HEATR1: variants seen among roughly 807,000 people sequenced by gnomAD.
The protein encoded by HEATR1 is HEAT repeat containing 1.
Under a neutral mutation model 248.2 loss-of-function variants are expected in HEATR1, and 77 were observed. The ratio of observed to expected loss-of-function variants is 0.31; its 90% confidence interval spans 0.26 to 0.37. HEATR1 has a LOEUF of 0.37. HEATR1 is among the 10% of genes least tolerant of loss of function. The probability of loss-of-function intolerance (pLI) is 1.00; values close to 1 mark genes in which losing one functional copy is unlikely to be tolerated. For missense variants in HEATR1, 2,420 were observed against 2,504.9 expected (o/e 0.97, Z 0.72); for synonymous variants, 897 against 923.1 (o/e 0.97, Z 0.51).
At chr1:236,597,256 A>ATT (rs10581442) in intron 5 of HEATR1, among the ~76,000 whole-genome samples, 1 of 138,204 alleles carries the variant, frequency 7.2e-6, no homozygotes, top group Non-Finnish European at 1.6e-5. Flanking sequence ...TTAAAAAAAA[A>ATT]TTTTTTTTTT....
At chr1:236,551,159 A>G in intron 44 of HEATR1, 169 bp from the exon 45 acceptor site, 2 of 573,000 alleles carry the variant, frequency 3.5e-6, no homozygotes. Context: ...CTCCCTCCAC[A>G]CCGCTCCTTC....
intron 44 of HEATR1, 98 bp downstream of exon 44, chr1:236,551,901 G>A (rs748725858): frequency 7.4e-6 from 6 of 808,688 alleles, no homozygotes; most frequent in African/African-American, 6.7e-5. Flanking sequence ...TGCTAGTCAC[G>A]TTATATCCAA....
intron 13 of HEATR1, 98 bp downstream of exon 13, chr1:236,587,850 A>G (rs1446449480): frequency 3.7e-6 from 3 of 820,194 alleles, no homozygotes; most frequent in East Asian, 2.7e-5. Context: ...ATGGAAAAAT[A>G]ATTTCCAAAA....
chr1:236,554,943 A>G (rs974264863), intron 41 of HEATR1, among the ~76,000 whole-genome samples, 191 bp from the exon 42 acceptor site: 5 of 152,232 alleles, frequency 3.3e-5, no homozygotes, highest in African/African-American at 1.2e-4. Context: ...TAGAGTTAAG[A>G]TTCTAACACT....
At chr1:236,593,221 CTA>C (rs1664087991) in intron 9 of HEATR1, among the ~76,000 whole-genome samples, 1 of 151,470 alleles carries the variant, frequency 6.6e-6, no homozygotes, top group Non-Finnish European at 1.5e-5. Context: ...GGAAAAGAAA[CTA>C]GAGTGTAAGT....
intron 20 of HEATR1, among the ~76,000 whole-genome samples, chr1:236,578,476 T>C (rs939875040): frequency 3.9e-5 from 6 of 152,238 alleles, no homozygotes; most frequent in African/African-American, 1.4e-4. Context: ...TTTTTGATCA[T>C]GTTACTCCTA....
At chr1:236,564,979 T>A (rs2103129984) in intron 31 of HEATR1, among the ~76,000 whole-genome samples, 1 of 152,338 alleles carries the variant, frequency 6.6e-6, no homozygotes, top group South Asian at 2.1e-4. Context: ...TAGATTTCTT[T>A]ATTCAATGTG....
At chr1:236,561,074 G>A (rs948276368) in intron 33 of HEATR1, 151 bp downstream of exon 33, 6 of 628,414 alleles carry the variant, frequency 9.5e-6, no homozygotes, top group African/African-American at 9.2e-5. Context: ...CCCTACATAG[G>A]GAGAACGCTA....
At chr1:236,568,759 T>C (rs1338828007) in intron 29 of HEATR1, among the ~76,000 whole-genome samples, 2 of 152,100 alleles carry the variant, frequency 1.3e-5, no homozygotes, top group East Asian at 1.9e-4. Context: ...GAACCAGCTA[T>C]AACACGTTTG....
Position 236,592,556 on chromosome 1 carries a change from T to C in HEATR1, c.1271A>G (p.Gln424Arg), listed in dbSNP as rs78786861. Residue 424 changes from glutamine to arginine, a missense_variant, in exon 10 of 45, where the codon CAA (glutamine) becomes CGA (arginine). Transcript: ENST00000366582. ...TAAAAGCCTAATGAGTGGAAGAAAT[T>C]GTTCATTAAGCAAAGACACTTTATT... ...DSNKVSLLNE[Q>R]FLPLIRLLES... 4,123 of 1,498,290 alleles carry C rather than the reference T, an allele frequency of 2.8e-3. 76 individuals carry two copies. The Admixed American group carries it at 0.035, about 13-fold the overall frequency. 92.8% of individuals were successfully genotyped at this position (1,498,290 alleles called of 1,614,324 possible).
intron 20 of HEATR1, 89 bp downstream of exon 20, chr1:236,581,133 T>A (rs1440049944): frequency 4.2e-6 from 5 of 1,185,064 alleles, no homozygotes; most frequent in Non-Finnish European, 6.0e-6. Flanking sequence ...TATTTTTTTT[T>A]AAGTTATAAT....
intron 24 of HEATR1, 174 bp downstream of exon 24, chr1:236,574,028 A>G (rs1476230277): frequency 2.2e-6 from 1 of 459,074 alleles, no homozygotes; most frequent in African/African-American, 2.0e-5. Context: ...AATAATGGTA[A>G]AGATTTAAAA....
chr1:236,553,864 T>C, intron 42 of HEATR1, 125 bp from the exon 43 acceptor site: 1 of 975,668 alleles, frequency 1.0e-6, no homozygotes, highest in Non-Finnish European at 1.5e-6. Flanking sequence ...AACCAGGCAT[T>C]ATTCTAATAC....
At chr1:236,569,881 A>G (rs1663377041) in intron 28 of HEATR1, among the ~76,000 whole-genome samples, 1 of 152,228 alleles carries the variant, frequency 6.6e-6, no homozygotes, top group South Asian at 2.1e-4. Context: ...AAACAACCCA[A>G]ATGTCCATCA....
intron 20 of HEATR1, among the ~76,000 whole-genome samples, 166 bp downstream of exon 20, chr1:236,581,056 G>C (rs994829929): frequency 6.6e-6 from 1 of 152,056 alleles, no homozygotes; most frequent in Middle Eastern, 3.4e-3. Flanking sequence ...CTGACCTCAT[G>C]ATCTGCCTGC....
In HEATR1 at chr1:236,587,477, T is replaced by G; in HGVS notation, c.1640A>C (p.His547Pro). Reference sequence around the variant, plus strand: ...TGAAATCGTCACTTCTGAACTGAAGTGTTCTTTGAAAATCTAAAGGGAAAA... The same window carrying G: ...TGAAATCGTCACTTCTGAACTGAAGGGTTCTTTGAAAATCTAAAGGGAAAA... ...AISAFEIFKE[H>P]FSSEVTISNL... Residue 547 changes from histidine (H) to proline (P), a missense_variant, in exon 14 of 45, where the codon CAC becomes CCC. Transcript: ENST00000366582. 1 of 1,511,802 alleles carries G rather than the reference T, an allele frequency of 6.6e-7. No individual in the cohort carries two copies. The highest frequency in any genetic ancestry group is 8.9e-7 in the Non-Finnish European group (1 of 1,121,472). 93.6% of individuals were successfully genotyped at this position (1,511,802 alleles called of 1,614,324 possible). A position where few individuals can be genotyped will look rare whatever the true frequency, so the allele number is the denominator to read the frequency against.
intron 20 of HEATR1, among the ~76,000 whole-genome samples, chr1:236,578,693 T>C (rs1663631375): frequency 6.6e-6 from 1 of 152,242 alleles, no homozygotes; most frequent in Non-Finnish European, 1.5e-5. Flanking sequence ...ATATTTTCTT[T>C]AGGATTTTTA....
intron 29 of HEATR1, 75 bp from the exon 30 acceptor site, chr1:236,566,951 A>C: frequency 6.3e-6 from 6 of 953,716 alleles, no homozygotes; most frequent in Non-Finnish European, 9.9e-6. Flanking sequence ...GAACAAGATA[A>C]GGCTTTTAGA....
intron 14 of HEATR1, among the ~76,000 whole-genome samples, chr1:236,586,782 T>C (rs1032417555): frequency 1.3e-5 from 2 of 151,834 alleles, no homozygotes; most frequent in African/African-American, 2.4e-5. Context: ...AGAGGTTAAC[T>C]ATAACATAAG....
Sources: allele counts gnomAD v4.1 joint callset (sites outside exome capture counted in the v4.1 genomes callset), GRCh38; gene constraint gnomAD v4.1.1; transcripts MANE v1.5; gene names NCBI Gene and HGNC (gene_info 2026-07-23, HGNC 2026-07-21).